EVC: variants seen among roughly 807,000 people sequenced by gnomAD.
The protein encoded by EVC is evC complex member EVC.
In EVC, 116 loss-of-function variants were observed where a neutral mutation model predicts 118.9. That is an observed-to-expected ratio of 0.98 (90% CI 0.84 to 1.14). The LOEUF (loss-of-function observed/expected upper bound fraction) is 1.14, where lower values mean the gene tolerates loss of function less well. Ranked by LOEUF, EVC falls within the 50% of genes most tolerant of loss-of-function variation. The pLI, the probability that EVC is intolerant of heterozygous loss-of-function variation, is 0.00. For synonymous variants in EVC, 619 were observed against 534.7 expected (o/e 1.16, Z -2.18); for missense variants, 1,401 against 1,246.4 (o/e 1.12, Z -1.87).
intron 13 of EVC, among the ~76,000 whole-genome samples, chr4:5,796,174 T>A (rs1713925942): frequency 6.6e-6 from 1 of 152,232 alleles, no homozygotes; most frequent in African/African-American, 2.4e-5. Flanking sequence ...AGTTTCCAGT[T>A]ATCTGCTGAA....
intron 17 of EVC, 69 bp from the exon 18 acceptor site, chr4:5,808,132 T>TACCAAA: frequency 2.2e-6 from 1 of 464,752 alleles, no homozygotes; most frequent in Non-Finnish European, 4.1e-6. Context: ...GCCTTCCTTC[T>TACCAAA]CCCTCCCTCC....
the EVC span, chr4:5,825,359 C>A: frequency 7.0e-7 from 1 of 1,432,420 alleles, no homozygotes; most frequent in East Asian, 2.7e-5. This position sits in a 1 kb window ranked among gnomAD's most constrained non-coding sequence, Gnocchi z 4.4. Flanking sequence ...AGAGCAGGCT[C>A]GGGTGGGGCA....
chr4:5,768,887 C>A (rs1051704108), intron 11 of EVC, among the ~76,000 whole-genome samples: 2 of 152,090 alleles, frequency 1.3e-5, no homozygotes, highest in East Asian at 3.9e-4. Context: ...CATTCATCAT[C>A]ATTCACCATA....
At position 5,719,454 on chromosome 4, in the gene EVC, A is replaced by G. The variant is rs1724578280; in HGVS notation, c.300+81A>G. ...CCCCTGGAAGCCGGGTGTCATGTAG[A>G]CAAGCCTCTGACAGATATAGTTTCC... On this transcript the variant is annotated intron_variant, in intron 2 of 20. Coordinates refer to ENST00000264956, the MANE Select transcript of EVC (RefSeq NM_153717.3). This position sits in a 1 kb window ranked among gnomAD's most constrained non-coding sequence, Gnocchi z 4.7. 5 of 1,603,108 alleles carry G rather than the reference A, an allele frequency of 3.1e-6. No individual in the cohort carries two copies. The highest frequency in any genetic ancestry group is 2.7e-5 in the African/African-American group (2 of 74,726).
At chr4:5,794,315 T>G (rs867185586) in intron 13 of EVC, among the ~76,000 whole-genome samples, 3 of 131,766 alleles carry the variant, frequency 2.3e-5, no homozygotes, top group African/African-American at 6.0e-5. Flanking sequence ...TTTTATATAT[T>G]TATATATATT....
At position 5,746,253 on chromosome 4, in the gene EVC, G is replaced by A. The variant is rs545949276; in HGVS notation, c.939+912G>A. Among the ~76,000 whole-genome samples the A allele has an allele frequency of 6.6e-6, 1 of 152,340 alleles. No individual in the cohort carries two copies. The highest frequency in any genetic ancestry group is 6.5e-5 in the Admixed American group (1 of 15,306). On this transcript the variant is annotated intron_variant, in intron 7 of 20. Coordinates refer to ENST00000264956, the MANE Select transcript of EVC (RefSeq NM_153717.3). The surrounding 1 kb of genome is among the most constrained non-coding windows in gnomAD (Gnocchi z 5.8). ...TGGCTTCAGCTTCTGCTTTAGAAGG[G>A]CTGCCCAGGCACTGAGTGGAGGGTG...
At chr4:5,716,776 G>A (rs903043579) in intron 1 of EVC, among the ~76,000 whole-genome samples, 1 of 152,146 alleles carries the variant, frequency 6.6e-6, no homozygotes, top group Non-Finnish European at 1.5e-5. Flanking sequence ...CCAGGCTTAG[G>A]GCAAGGGATT....
At chr4:5,739,383 A>C (rs1728179312) in intron 5 of EVC, among the ~76,000 whole-genome samples, 1 of 152,186 alleles carries the variant, frequency 6.6e-6, no homozygotes, top group African/African-American at 2.4e-5. Flanking sequence ...TCTGGGTTCA[A>C]ATCTCAGCTC....
intron 4 of EVC, among the ~76,000 whole-genome samples, chr4:5,732,742 G>A (rs956092394): frequency 2.0e-5 from 3 of 152,202 alleles, no homozygotes; most frequent in African/African-American, 7.2e-5. Context: ...TGGGCACCAT[G>A]GCTCATGCCT....
chr4:5,726,661 G>T (rs1029766319), intron 2 of EVC, among the ~76,000 whole-genome samples: 34 of 148,734 alleles, frequency 2.3e-4, no homozygotes, highest in African/African-American at 7.7e-4. Flanking sequence ...ATGCTGGTGC[G>T]CTGCACCCAC....
intron 11 of EVC, among the ~76,000 whole-genome samples, chr4:5,767,993 G>A (rs1308855728): frequency 2.0e-5 from 3 of 152,052 alleles, no homozygotes; most frequent in African/African-American, 7.3e-5. Context: ...GGGAGAGTTT[G>A]TTCATTCATT....
chr4:5,799,378 C>G (rs575170362), intron 15 of EVC, among the ~76,000 whole-genome samples: 2 of 152,200 alleles, frequency 1.3e-5, no homozygotes, highest in Non-Finnish European at 2.9e-5. Flanking sequence ...CTTCCTACCT[C>G]GTCTTGTTGG....
rs1442279626 is a variant in EVC at position 5,798,732 on chromosome 4, G to C, written c.2244G>C (p.Leu748=). The change falls in exon 15 of 21, where the codon CTG becomes CTC. Residue 748 remains leucine, a synonymous_variant. Transcript: ENST00000264956. This position sits in a 1 kb window ranked among gnomAD's most constrained non-coding sequence, Gnocchi z 4.1. ...TGGAGTGCGCCATTGGGCAGGCGCT[G>C]CTGGTGCATGCACGGAATGCAGCCA... ...QHMECAIGQA[L]LVHARNAATK... is the part of the protein sequence containing the mutation. 1 of 1,611,098 alleles carries C rather than the reference G, an allele frequency of 6.2e-7. No individual in the cohort carries two copies. Among genetic ancestry groups the C allele is most frequent in the Non-Finnish European group, 8.5e-7 (1 of 1,179,928 alleles).
intron 11 of EVC, among the ~76,000 whole-genome samples, chr4:5,767,270 G>T (rs1003450665): frequency 4.6e-5 from 7 of 151,196 alleles, no homozygotes; most frequent in Admixed American, 2.0e-4. Flanking sequence ...CAGATCTCCA[G>T]CTGCATGCTG....
chr4:5,753,104 C>G, intron 9 of EVC, 52 bp downstream of exon 9: 2 of 1,508,388 alleles, frequency 1.3e-6, no homozygotes, highest in Non-Finnish European at 1.8e-6. Context: ...TTCTGGGTCC[C>G]TGGGGCTGTG....
chr4:5,720,308 C>G (rs1724735390), intron 2 of EVC, among the ~76,000 whole-genome samples: 1 of 152,152 alleles, frequency 6.6e-6, no homozygotes. Context: ...CTCTCAGCAG[C>G]CACGTGAGGC....
intron 11 of EVC, among the ~76,000 whole-genome samples, chr4:5,768,173 C>T (rs776556190): frequency 3.9e-5 from 6 of 152,066 alleles, no homozygotes; most frequent in Non-Finnish European, 7.4e-5. Flanking sequence ...GAGTCCAGAG[C>T]GCCTCATCTT....
the EVC span, chr4:5,825,867 A>G: frequency 1.8e-6 from 1 of 563,534 alleles, no homozygotes; most frequent in Non-Finnish European, 3.1e-6. The surrounding 1 kb of genome is among the most constrained non-coding windows in gnomAD (Gnocchi z 4.4). Context: ...ATGCATACAC[A>G]CACATCTACA....
At chr4:5,726,311 C>A (rs998975905) in intron 2 of EVC, among the ~76,000 whole-genome samples, 1 of 152,212 alleles carries the variant, frequency 6.6e-6, no homozygotes, top group Non-Finnish European at 1.5e-5. Flanking sequence ...TTTGGGCTTG[C>A]CTGTCTGCTT....
Sources: allele counts gnomAD v4.1 joint callset (sites outside exome capture counted in the v4.1 genomes callset), GRCh38; gene constraint gnomAD v4.1.1; non-coding constraint Gnocchi (gnomAD v3.1); transcripts MANE v1.5; gene names NCBI Gene and HGNC (gene_info 2026-07-23, HGNC 2026-07-21).